Variants in STX8 observed in about 807,000 individuals in gnomAD.
STX8 encodes the protein syntaxin 8, also known as syntaxin-8.
A neutral mutation model predicts 37.5 loss-of-function variants in STX8; 23 were observed. The ratio of observed to expected loss-of-function variants is 0.61; its 90% confidence interval spans 0.44 to 0.87. The LOEUF is 0.87. STX8 is among the 40% of genes least tolerant of loss of function. The probability of loss-of-function intolerance (pLI) is 0.00; values close to 1 mark genes in which losing one functional copy is unlikely to be tolerated. For missense variants in STX8, 313 were observed against 284.7 expected (o/e 1.10, Z -0.71); for synonymous variants, 115 against 99.1 (o/e 1.16, Z -0.95).
At position 9,487,382 on chromosome 17, in the gene STX8, C is replaced by A. The variant is rs544478669; in HGVS notation, c.541+4447G>T. ...GCCCCTGACTCCCTATCACTCAGATCACAATAAAAATCCAGATGGGGCTGC... is the reference window on the plus strand; with the variant it reads ...GCCCCTGACTCCCTATCACTCAGATAACAATAAAAATCCAGATGGGGCTGC... On this transcript the variant is annotated intron_variant, in intron 6 of 7. Coordinates refer to ENST00000306357, the MANE Select transcript of STX8 (RefSeq NM_004853.3). Among the ~76,000 whole-genome samples, 14 of 152,230 alleles carry A rather than the reference C, an allele frequency of 9.2e-5. 1 individual carries two copies. In the South Asian group the frequency reaches 2.1e-3, roughly 23 times the overall value.
At chr17:9,315,080 G>A (rs1351529796) in intron 7 of STX8, among the ~76,000 whole-genome samples, 6 of 131,808 alleles carry the variant, frequency 4.6e-5, no homozygotes, top group Non-Finnish European at 7.8e-5. Flanking sequence ...CCAGCCTGGC[G>A]ACAACGTGAG....
At chr17:9,251,903 C>T (rs11870960) in intron 7 of STX8, among the ~76,000 whole-genome samples, 1,603 of 152,306 alleles carry the variant, frequency 0.011, 28 homozygotes, top group African/African-American at 0.036. Context: ...GTGGCTCACA[C>T]CTGTAATCCC....
chr17:9,488,821 A>AGTGTGTGTGTGTGTGT (rs71135988), intron 6 of STX8, among the ~76,000 whole-genome samples: 78 of 144,010 alleles, frequency 5.4e-4, no homozygotes, highest in African/African-American at 1.6e-3. Context: ...AGAGAGAGAG[A>AGTGTGTGTGTGTGTGT]GTGTGTGTGT....
chr17:9,414,029 TCCAA>T (rs1244601503), intron 6 of STX8, among the ~76,000 whole-genome samples: 26 of 138,246 alleles, frequency 1.9e-4, no homozygotes, highest in African/African-American at 6.0e-4. Flanking sequence ...CATCCATCCA[TCCAA>T]CCATCTATCT....
intron 7 of STX8, among the ~76,000 whole-genome samples, chr17:9,357,165 A>G (rs1910912689): frequency 1.3e-5 from 2 of 151,572 alleles, no homozygotes; most frequent in African/African-American, 4.8e-5. Context: ...GGGTTTCGCC[A>G]TGTTGGCCAG....
At chr17:9,544,518 A>G (rs566508122) in intron 4 of STX8, among the ~76,000 whole-genome samples, 1 of 152,086 alleles carries the variant, frequency 6.6e-6, no homozygotes, top group East Asian at 1.9e-4. Flanking sequence ...AAAAAAACAA[A>G]AAACTGCTTT....
At chr17:9,370,958 C>T (rs921898262) in intron 7 of STX8, among the ~76,000 whole-genome samples, 10 of 150,670 alleles carry the variant, frequency 6.6e-5, no homozygotes, top group African/African-American at 2.4e-4. Flanking sequence ...CTACTTGATG[C>T]TATCATTGGG....
At position 9,454,612 on chromosome 17, in the gene STX8, G is replaced by A. The variant is rs151265549; in HGVS notation, c.541+37217C>T. Among the ~76,000 whole-genome samples, 1,342 of 151,540 alleles carry A rather than the reference G, an allele frequency of 8.9e-3. 17 individuals are homozygous for A. Among genetic ancestry groups the A allele is most frequent in the South Asian group, 0.042 (203 of 4,782 alleles). On this transcript the variant is annotated intron_variant, in intron 6 of 7. Coordinates refer to ENST00000306357, the MANE Select transcript of STX8 (RefSeq NM_004853.3). ...GGAGAATGGCGCAAACCCGGGAGGC[G>A]GAGCTTGCAGTGAGCCAAGATCGCG...
chr17:9,510,480 T>C lies in STX8; in HGVS notation c.324-5318A>G, dbSNP rs549233708. Reference sequence around the variant, plus strand: ...ATAACATGAGGAACATGCAAAATGATACAAACACATGGAAATTAAACAACA... The same window carrying C: ...ATAACATGAGGAACATGCAAAATGACACAAACACATGGAAATTAAACAACA... On this transcript the variant is annotated intron_variant, in intron 4 of 7. Coordinates refer to ENST00000306357, the MANE Select transcript of STX8 (RefSeq NM_004853.3). Among the ~76,000 whole-genome samples, 32 of 152,194 alleles carry C rather than the reference T, an allele frequency of 2.1e-4. No individual in the cohort carries two copies. The South Asian group carries it at 6.2e-3, about 30-fold the overall frequency.
intron 7 of STX8, among the ~76,000 whole-genome samples, chr17:9,262,229 A>G (rs1907063875): frequency 1.3e-5 from 2 of 152,214 alleles, no homozygotes; most frequent in Non-Finnish European, 2.9e-5. Flanking sequence ...ATACATCGAA[A>G]CAACATATTC....
chr17:9,367,273 T>G (rs868802099), intron 7 of STX8, among the ~76,000 whole-genome samples: 47 of 152,172 alleles, frequency 3.1e-4, no homozygotes, highest in African/African-American at 1.1e-3. Context: ...AGGGGGCGGC[T>G]TCTCACTTCC....
chr17:9,381,321 A>G (rs1243074259), intron 6 of STX8, among the ~76,000 whole-genome samples: 1 of 150,792 alleles, frequency 6.6e-6, no homozygotes, highest in Admixed American at 6.6e-5. Flanking sequence ...GCTGTTCAAT[A>G]CCAGTCACCA....
intron 6 of STX8, among the ~76,000 whole-genome samples, chr17:9,411,548 A>G (rs1365405125): frequency 6.6e-6 from 1 of 152,222 alleles, no homozygotes; most frequent in Non-Finnish European, 1.5e-5. Context: ...TTGGTTTGTA[A>G]AATTCTCAAA....
At chr17:9,556,298 T>C (rs764733089) in intron 3 of STX8, among the ~76,000 whole-genome samples, 6 of 152,196 alleles carry the variant, frequency 3.9e-5, no homozygotes, top group African/African-American at 9.6e-5. Context: ...ATTGGGTCTT[T>C]GGCATGACCT....
chr17:9,570,487 T>C (rs1251077981), intron 1 of STX8, among the ~76,000 whole-genome samples: 2 of 152,022 alleles, frequency 1.3e-5, no homozygotes, highest in Non-Finnish European at 2.9e-5. Flanking sequence ...ATACCTATCG[T>C]TTATATCATA....
At chr17:9,329,661 C>A (rs1215653324) in intron 7 of STX8, among the ~76,000 whole-genome samples, 1 of 152,216 alleles carries the variant, frequency 6.6e-6, no homozygotes. Flanking sequence ...CACTTCGAGT[C>A]CCATCGGACC....
chr17:9,494,355 G>A (rs998582819), intron 5 of STX8, among the ~76,000 whole-genome samples: 7 of 151,212 alleles, frequency 4.6e-5, no homozygotes, highest in Non-Finnish European at 1.0e-4. Flanking sequence ...GAAGCTGGGC[G>A]CAGTGGCTCA....
intron 6 of STX8, among the ~76,000 whole-genome samples, chr17:9,449,342 C>T (rs912779451): frequency 6.6e-5 from 10 of 152,194 alleles, no homozygotes; most frequent in South Asian, 2.1e-4. Context: ...GAGCGGATCA[C>T]GAGGTCAGGA....
At chr17:9,421,048 C>T (rs1913405751) in intron 6 of STX8, among the ~76,000 whole-genome samples, 1 of 152,114 alleles carries the variant, frequency 6.6e-6, no homozygotes, top group Non-Finnish European at 1.5e-5. Context: ...CAACTTGAGT[C>T]CTTGGATCTC....
Sources: gnomAD v4.1 joint callset for allele counts (sites outside exome capture counted in the v4.1 genomes callset) on GRCh38, gnomAD v4.1.1 for gene constraint, MANE v1.5 for transcripts, NCBI Gene and HGNC (gene_info 2026-07-23, HGNC 2026-07-21) for gene names.